The following PCDHA1 variants were observed in gnomAD, a reference collection of about 807,000 sequenced individuals.
PCDHA1 encodes protocadherin alpha-1.
A neutral mutation model predicts 61.3 loss-of-function variants in PCDHA1; 42 were observed. The observed-to-expected ratio is 0.69, with a 90% CI of 0.54 to 0.89. PCDHA1 has a LOEUF of 0.89. Ranked by LOEUF, PCDHA1 falls within the 40% of genes least tolerant of loss-of-function variation. The pLI is 0.00. For missense variants in PCDHA1, 1,256 were observed against 1,235.3 expected (o/e 1.02, Z -0.25); for synonymous variants, 610 against 553.8 (o/e 1.10, Z -1.43).
chr5:140,953,110 G>A (rs1384996852), intron 1 of PCDHA1, among the ~76,000 whole-genome samples: 2 of 152,074 alleles, frequency 1.3e-5, no homozygotes, highest in Non-Finnish European at 2.9e-5. Flanking sequence ...ATTTGGGCAG[G>A]GACACAGATC....
chr5:140,909,134 C>A (rs1337385284), intron 1 of PCDHA1, among the ~76,000 whole-genome samples: 3 of 152,140 alleles, frequency 2.0e-5, no homozygotes, highest in Non-Finnish European at 4.4e-5. Flanking sequence ...AGGTAATGAA[C>A]CAGTGTGATA....
intron 1 of PCDHA1, chr5:140,847,603 G>A (rs2150402221): frequency 1.3e-5 from 2 of 149,376 alleles, no homozygotes; most frequent in Non-Finnish European, 3.0e-5. Context: ...AAAACATATT[G>A]TAATAACATT....
At chr5:140,845,181 TA>T (rs1554140854) in intron 1 of PCDHA1, among the ~76,000 whole-genome samples, 1 of 149,328 alleles carries the variant, frequency 6.7e-6, no homozygotes, top group African/African-American at 2.5e-5. Context: ...TTTAGTCCTT[TA>T]AAAAATATGA....
intron 1 of PCDHA1, chr5:140,875,924 A>C (rs782181544): frequency 6.2e-7 from 1 of 1,614,054 alleles, no homozygotes; most frequent in Non-Finnish European, 8.5e-7. Context: ...CTGGACTCTC[A>C]TTTTCCTCTA....
At chr5:141,002,532 C>T (rs571310813) in intron 3 of PCDHA1, among the ~76,000 whole-genome samples, 26 of 152,270 alleles carry the variant, frequency 1.7e-4, no homozygotes, top group African/African-American at 6.0e-4. Flanking sequence ...AGTCAGACTC[C>T]CTAGATTTGA....
chr5:140,906,175 G>T (rs1177661963), intron 1 of PCDHA1, among the ~76,000 whole-genome samples: 18 of 152,058 alleles, frequency 1.2e-4, no homozygotes, highest in African/African-American at 4.1e-4. Flanking sequence ...ACAATACTTT[G>T]CATCCTTCAA....
intron 1 of PCDHA1, among the ~76,000 whole-genome samples, chr5:140,896,063 G>A (rs531616608): frequency 1.4e-3 from 217 of 152,130 alleles, no homozygotes; most frequent in African/African-American, 4.7e-3. Flanking sequence ...CGCCTGCCTC[G>A]GCCTCCCAAC....
At chr5:140,972,316 G>T (rs2096531069) in intron 1 of PCDHA1, among the ~76,000 whole-genome samples, 2 of 139,864 alleles carry the variant, frequency 1.4e-5, no homozygotes, top group South Asian at 2.3e-4. Flanking sequence ...GTTTTTAGGT[G>T]TTTTTTTTTT....
At chr5:140,899,359 T>A (rs1247414230) in intron 1 of PCDHA1, among the ~76,000 whole-genome samples, 57 of 152,234 alleles carry the variant, frequency 3.7e-4, no homozygotes, top group Admixed American at 1.4e-3. Flanking sequence ...TTTTGAGATA[T>A]GTCCCATCAA....
intron 1 of PCDHA1, among the ~76,000 whole-genome samples, chr5:140,925,082 AAAGG>A (rs138596875): frequency 0.022 from 3,184 of 147,344 alleles, 79 homozygotes; most frequent in African/African-American, 0.064. Flanking sequence ...GCTCATCTGG[AAAGG>A]AAGGAAGGAA....
chr5:140,961,434 A>G (rs2095611315), intron 1 of PCDHA1, among the ~76,000 whole-genome samples: 1 of 152,174 alleles, frequency 6.6e-6, no homozygotes, highest in African/African-American at 2.4e-5. Context: ...TTACAAAATC[A>G]CCTAACTACA....
At chr5:140,944,642 T>C (rs535941591) in intron 1 of PCDHA1, among the ~76,000 whole-genome samples, 35 of 152,342 alleles carry the variant, frequency 2.3e-4, no homozygotes, top group African/African-American at 7.9e-4. Context: ...CCAGTGTGGA[T>C]TGGGAGTCCA....
At chr5:140,836,236 C>T (rs2150256110) in intron 1 of PCDHA1, 1 of 1,613,794 alleles carries the variant, frequency 6.2e-7, no homozygotes, top group East Asian at 2.2e-5. Flanking sequence ...GCGGCCGGTG[C>T]GAGCATCCCG....
In PCDHA1 at chr5:140,843,667, A is replaced by G. The variant is rs143385524; in HGVS notation, c.2394+54983A>G. Reference sequence around the variant, plus strand: ...CCTGCCTTCCTCCTGATCTGGGATCAGTTGATGTAGGCGAAGAGCAAGATT... The same window carrying G: ...CCTGCCTTCCTCCTGATCTGGGATCGGTTGATGTAGGCGAAGAGCAAGATT... On this transcript the variant is annotated intron_variant, in intron 1 of 3. Coordinates refer to ENST00000504120, the MANE Select transcript of PCDHA1 (RefSeq NM_018900.4). The G allele has an allele frequency of 5.3e-5, 84 of 1,593,334 alleles. 5 individuals are homozygous for G. Among genetic ancestry groups the G allele is most frequent in the Non-Finnish European group, 6.5e-5 (76 of 1,163,092 alleles).
intron 1 of PCDHA1, among the ~76,000 whole-genome samples, chr5:140,908,375 G>C (rs922545563): frequency 6.6e-6 from 1 of 152,174 alleles, no homozygotes; most frequent in Non-Finnish European, 1.5e-5. Context: ...TTCAGGACCT[G>C]CTCGAGCCCG....
chr5:140,872,923 C>T (rs2053985502), intron 1 of PCDHA1, among the ~76,000 whole-genome samples: 1 of 152,102 alleles, frequency 6.6e-6, no homozygotes, highest in Non-Finnish European at 1.5e-5. Flanking sequence ...TGCCTTATCT[C>T]TAATGTTTTT....
At chr5:140,952,171 TG>T (rs2094700193) in intron 1 of PCDHA1, among the ~76,000 whole-genome samples, 1 of 152,084 alleles carries the variant, frequency 6.6e-6, no homozygotes, top group Non-Finnish European at 1.5e-5. Context: ...GTTCAGTTCC[TG>T]CAGCTGCTCT....
intron 1 of PCDHA1, among the ~76,000 whole-genome samples, chr5:140,891,825 G>T (rs2153435686): frequency 6.6e-6 from 1 of 152,302 alleles, no homozygotes; most frequent in East Asian, 1.9e-4. Flanking sequence ...TAACGGCACT[G>T]TAAAAGGACT....
At chr5:140,894,414 C>A (rs1554186083) in intron 1 of PCDHA1, among the ~76,000 whole-genome samples, 2 of 151,928 alleles carry the variant, frequency 1.3e-5, no homozygotes, top group African/African-American at 4.8e-5. Flanking sequence ...TCTTTTGTAG[C>A]TAACACTCCT....
Sources: allele counts gnomAD v4.1 joint callset (sites outside exome capture counted in the v4.1 genomes callset), GRCh38; gene constraint gnomAD v4.1.1; transcripts MANE v1.5; gene names NCBI Gene and HGNC (gene_info 2026-07-23, HGNC 2026-07-21).